LRRTM4: variants seen among roughly 807,000 people sequenced by gnomAD.
LRRTM4 encodes the protein leucine rich repeat transmembrane neuronal 4.
A neutral mutation model predicts 47.6 loss-of-function variants in LRRTM4; 25 were observed. The ratio of observed to expected loss-of-function variants is 0.53; its 90% CI spans 0.38 to 0.73. LRRTM4 has a LOEUF of 0.73. Ranked by LOEUF, LRRTM4 falls within the 30% of genes least tolerant of loss-of-function variation. LRRTM4 has a pLI of 0.00. For missense variants in LRRTM4, 638 were observed against 713.4 expected (o/e 0.89, Z 1.20); for synonymous variants, 311 against 269.5 (o/e 1.15, Z -1.51).
intron 3 of LRRTM4, among the ~76,000 whole-genome samples, chr2:76,888,830 G>C (rs773779257): frequency 1.4e-4 from 22 of 151,832 alleles, no homozygotes; most frequent in Non-Finnish European, 2.8e-4. Context: ...AATTTTTTAT[G>C]AACTGTTAAT....
intron 3 of LRRTM4, among the ~76,000 whole-genome samples, chr2:76,835,867 A>G (rs1671496636): frequency 6.6e-6 from 1 of 151,988 alleles, no homozygotes; most frequent in Non-Finnish European, 1.5e-5. Context: ...GAGTGAGAAA[A>G]TTTTTCAAAA....
intron 3 of LRRTM4, among the ~76,000 whole-genome samples, chr2:76,801,438 C>G (rs1054767396): frequency 3.3e-5 from 5 of 151,998 alleles, no homozygotes; most frequent in African/African-American, 1.2e-4. Context: ...AGCGCATATT[C>G]TCACTCATAG....
At chr2:77,239,694 G>T (rs1675204670) in intron 3 of LRRTM4, among the ~76,000 whole-genome samples, 1 of 151,848 alleles carries the variant, frequency 6.6e-6, no homozygotes, top group Admixed American at 6.6e-5. Flanking sequence ...GAATGACGAA[G>T]AGTTCAATCC....
chr2:77,367,158 T>G (rs1672491617), intron 3 of LRRTM4, among the ~76,000 whole-genome samples: 1 of 151,786 alleles, frequency 6.6e-6, no homozygotes, highest in Admixed American at 6.6e-5. Flanking sequence ...CTTCGTCACC[T>G]AATTATCTTG....
intron 3 of LRRTM4, among the ~76,000 whole-genome samples, chr2:77,492,911 A>T (rs1678222543): frequency 6.6e-6 from 1 of 152,182 alleles, no homozygotes; most frequent in Non-Finnish European, 1.5e-5. Context: ...TCCACTGGTC[A>T]ACCTAGGAAA....
chr2:76,998,765 TTC>T (rs1677299423), intron 3 of LRRTM4, among the ~76,000 whole-genome samples: 3 of 145,052 alleles, frequency 2.1e-5, no homozygotes, highest in East Asian at 4.0e-4. Context: ...CCTCTATATT[TTC>T]TGTTTTTTTT....
At chr2:77,330,009 A>G (rs1408774092) in intron 3 of LRRTM4, among the ~76,000 whole-genome samples, 1 of 152,178 alleles carries the variant, frequency 6.6e-6, no homozygotes, top group Admixed American at 6.5e-5. Context: ...TTTGATTGGC[A>G]TATGAGAGAG....
chr2:76,854,811 C>CTT (rs1672099999), intron 3 of LRRTM4, among the ~76,000 whole-genome samples: 3 of 121,566 alleles, frequency 2.5e-5, no homozygotes, highest in Non-Finnish European at 4.9e-5. Flanking sequence ...AAAAGAAAAT[C>CTT]CTTTTTTTTT....
chr2:77,416,977 T>A (rs902239690), intron 3 of LRRTM4, among the ~76,000 whole-genome samples: 2 of 151,760 alleles, frequency 1.3e-5, no homozygotes, highest in Non-Finnish European at 2.9e-5. Flanking sequence ...TGGGGGAAAA[T>A]TTTTGCATTC....
intron 3 of LRRTM4, among the ~76,000 whole-genome samples, chr2:76,814,104 T>C (rs1670827784): frequency 6.6e-6 from 1 of 152,102 alleles, no homozygotes; most frequent in Non-Finnish European, 1.5e-5. Context: ...ATGCCCTCAA[T>C]TGGGATTTTT....
chr2:77,457,488 C>A (rs867928729), intron 3 of LRRTM4, among the ~76,000 whole-genome samples: 48 of 152,100 alleles, frequency 3.2e-4, no homozygotes, highest in African/African-American at 1.1e-3. Flanking sequence ...AACATTCCTG[C>A]CTTCATTTAT....
intron 3 of LRRTM4, among the ~76,000 whole-genome samples, chr2:77,013,258 T>C (rs1322780865): frequency 6.6e-6 from 1 of 152,208 alleles, no homozygotes; most frequent in Non-Finnish European, 1.5e-5. Flanking sequence ...AGTTTGTTTT[T>C]CTGCTGCTGT....
intron 3 of LRRTM4, among the ~76,000 whole-genome samples, chr2:76,804,490 C>T (rs1295319146): frequency 6.6e-6 from 1 of 151,776 alleles, no homozygotes; most frequent in African/African-American, 2.4e-5. Flanking sequence ...TAAGTATCAG[C>T]CATATTCTGT....
chr2:77,302,861 A>G (rs980744123), intron 3 of LRRTM4, among the ~76,000 whole-genome samples: 1 of 152,202 alleles, frequency 6.6e-6, no homozygotes, highest in Non-Finnish European at 1.5e-5. Flanking sequence ...CAATGTCAGG[A>G]TAAAGCAGTC....
intron 3 of LRRTM4, among the ~76,000 whole-genome samples, chr2:77,117,374 C>T (rs547758464): frequency 1.3e-5 from 2 of 151,976 alleles, no homozygotes; most frequent in East Asian, 1.9e-4. Context: ...TTATCTCTTA[C>T]ATGTTTTATG....
chr2:76,961,386 A>C (rs1470856688), intron 3 of LRRTM4, among the ~76,000 whole-genome samples: 1 of 150,316 alleles, frequency 6.7e-6, no homozygotes, highest in Non-Finnish European at 1.5e-5. Context: ...TTAGCTTGCC[A>C]ATATTTTTAT....
At chr2:77,060,419 C>T (rs1464410372) in intron 3 of LRRTM4, among the ~76,000 whole-genome samples, 2 of 151,822 alleles carry the variant, frequency 1.3e-5, no homozygotes, top group Non-Finnish European at 2.9e-5. Context: ...TAGATTAGCA[C>T]TTTTTAGTAT....
intron 3 of LRRTM4, among the ~76,000 whole-genome samples, chr2:77,381,238 T>C (rs548898264): frequency 1.3e-5 from 2 of 152,200 alleles, no homozygotes; most frequent in East Asian, 3.9e-4. Context: ...ATTATTAATA[T>C]ATTGAAAGCA....
intron 3 of LRRTM4, among the ~76,000 whole-genome samples, chr2:76,965,499 C>G (rs888666670): frequency 2.6e-5 from 4 of 151,194 alleles, no homozygotes; most frequent in Non-Finnish European, 5.9e-5. Flanking sequence ...TCTTTAATTT[C>G]TAAACATTTA....
Sources: gnomAD v4.1 joint callset for allele counts (sites outside exome capture counted in the v4.1 genomes callset) on GRCh38, gnomAD v4.1.1 for gene constraint, MANE v1.5 for transcripts, NCBI Gene and HGNC (gene_info 2026-07-23, HGNC 2026-07-21) for gene names.